Variants in VPS37A observed in about 807,000 individuals in gnomAD.
VPS37A encodes vacuolar protein sorting-associated protein 37A.
VPS37A carries 30 observed loss-of-function variants against 49.8 expected under a neutral mutation model. The observed-to-expected ratio is 0.60, with a 90% confidence interval of 0.45 to 0.82. The LOEUF (loss-of-function observed/expected upper bound fraction) is 0.82, where lower values mean the gene tolerates loss of function less well. Ranked by LOEUF, VPS37A falls within the 40% of genes least tolerant of loss-of-function variation. The pLI, the probability that VPS37A is intolerant of heterozygous loss-of-function variation, is 0.00. For synonymous variants in VPS37A, 195 were observed against 160.6 expected (o/e 1.21, Z -1.62); for missense variants, 593 against 464.4 (o/e 1.28, Z -2.55).
Position 17,295,224 on chromosome 8 carries a change from ATATTT to A in VPS37A, c.*239_*243del, listed in dbSNP as rs1816534163. On this transcript the variant is annotated 3_prime_UTR_variant, in exon 12 of 12. Transcript: ENST00000324849. Reference sequence around the variant, plus strand: ...TTATTTATTGTTGATAAATTGTATCATATTTAAGTTCCACTGCTGTTCCTCTTACC... The same window carrying A: ...TTATTTATTGTTGATAAATTGTATCAAAGTTCCACTGCTGTTCCTCTTACC... 6.6e-6 allele frequency: 1 copy of A among 152,320 alleles called. No homozygotes were observed. The highest frequency in any genetic ancestry group is 1.5e-5 in the Non-Finnish European group (1 of 68,046). The allele number at this position is 152,320 out of a possible 1,614,324, so 9.4% of individuals were successfully genotyped here. A position where few individuals can be genotyped will look rare whatever the true frequency, so the allele number is the denominator to read the frequency against.
At chr8:17,327,098 A>G in the VPS37A span, among the ~76,000 whole-genome samples, 1 of 152,152 alleles carries the variant, frequency 6.6e-6, no homozygotes, top group East Asian at 1.9e-4. Flanking sequence ...CATTATACAT[A>G]TTCTCCCATG....
intron 1 of VPS37A, among the ~76,000 whole-genome samples, chr8:17,265,297 C>T (rs185207175): frequency 9.8e-5 from 15 of 152,310 alleles, no homozygotes; most frequent in Admixed American, 7.2e-4. Flanking sequence ...CAATTTCTCC[C>T]TACAACTTTC....
the VPS37A span, among the ~76,000 whole-genome samples, chr8:17,311,042 T>C: frequency 6.6e-6 from 1 of 152,132 alleles, no homozygotes; most frequent in Non-Finnish European, 1.5e-5. Context: ...AGCATTCTCA[T>C]CCAGGGGTGT....
chr8:17,292,443 T>C (rs967800255), intron 11 of VPS37A, among the ~76,000 whole-genome samples: 1 of 152,350 alleles, frequency 6.6e-6, no homozygotes, highest in South Asian at 2.1e-4. Context: ...TGCCTTTTAA[T>C]TGGGGCATTT....
rs914149961 is a variant in VPS37A, at chr8:17,295,208, G to A, written c.*222G>A. 6.6e-6 allele frequency: 1 copy of A among 152,612 alleles called. No homozygotes were observed. Among genetic ancestry groups the A allele is most frequent in the African/African-American group, 2.4e-5 (1 of 41,460 alleles). 9.5% of individuals were successfully genotyped at this position (152,612 alleles called of 1,614,324 possible). ...ATTTGCACTGAAATGTTTATTTATT[G>A]TTGATAAATTGTATCATATTTAAGT... On this transcript the variant is annotated 3_prime_UTR_variant, in exon 12 of 12. Transcript: ENST00000324849.
chr8:17,296,905 C>CAGTT lies in VPS37A; in HGVS notation c.*1921_*1924dup, dbSNP rs1374675071. 1.3e-5 allele frequency: 2 copies of CAGTT among 152,154 alleles called. No individual in the cohort carries two copies. Among genetic ancestry groups the CAGTT allele is most frequent in the African/African-American group, 4.8e-5 (2 of 41,442 alleles). 9.4% of individuals were successfully genotyped at this position (152,154 alleles called of 1,614,324 possible). A position where few individuals can be genotyped will look rare whatever the true frequency, so the allele number is the denominator to read the frequency against. ...CAGTCATGAAACAGAGCAGTGTGAT[C>CAGTT]AGTTATCTGCATTTAACAAATAGAC... On this transcript the variant is annotated 3_prime_UTR_variant, in exon 12 of 12. Coordinates refer to ENST00000324849, the MANE Select transcript of VPS37A (RefSeq NM_152415.3).
intron 1 of VPS37A, among the ~76,000 whole-genome samples, chr8:17,250,211 C>T (rs1162629808): frequency 6.6e-6 from 1 of 152,124 alleles, no homozygotes; most frequent in Non-Finnish European, 1.5e-5. Context: ...TCAGAGAGAG[C>T]TTTACTTCTG....
Position 17,257,536 on chromosome 8 carries a change from G to A in VPS37A, c.126-8371G>A, listed in dbSNP as rs533566608. Among the ~76,000 whole-genome samples, 21 of 152,238 alleles carry A rather than the reference G, an allele frequency of 1.4e-4. 1 individual carries two copies. The East Asian group carries it at 4.1e-3, about 29-fold the overall frequency. On this transcript the variant is annotated intron_variant, in intron 1 of 11. Transcript: ENST00000324849. ...AGCATTAGGAGAAATACCTAATGTA[G>A]GTGACGGGTTGATGGGTGCAGCAAA...
At chr8:17,274,620 A>G in intron 4 of VPS37A, 113 bp from the exon 5 acceptor site, 2 of 675,944 alleles carry the variant, frequency 3.0e-6, no homozygotes, top group South Asian at 6.1e-5. Context: ...ACCTGCCATT[A>G]TAACATTTCA....
chr8:17,275,258 G>C (rs182111888), intron 5 of VPS37A, among the ~76,000 whole-genome samples: 10 of 152,200 alleles, frequency 6.6e-5, no homozygotes, highest in African/African-American at 2.2e-4. Flanking sequence ...TGTGATTCTG[G>C]TTTTTTTCAC....
downstream of VPS37A, chr8:17,305,721 ATAAAAGT>A (rs1196414211): frequency 6.5e-7 from 1 of 1,542,830 alleles, no homozygotes; most frequent in Non-Finnish European, 8.8e-7. Context: ...AAATCTTTAA[ATAAAAGT>A]TAAACACCAA....
intron 11 of VPS37A, among the ~76,000 whole-genome samples, chr8:17,288,984 T>C (rs182529150): frequency 1.3e-5 from 2 of 152,348 alleles, no homozygotes; most frequent in African/African-American, 4.8e-5. Flanking sequence ...TGATGAGCTT[T>C]TTTTCATGTT....
At chr8:17,287,810 C>T (rs923009550) in intron 11 of VPS37A, among the ~76,000 whole-genome samples, 1 of 152,062 alleles carries the variant, frequency 6.6e-6, no homozygotes, top group African/African-American at 2.4e-5. Context: ...GAGTAACTGA[C>T]CCAGTATGGG....
At chr8:17,286,606 T>C in intron 11 of VPS37A, 179 bp downstream of exon 11, 1 of 509,480 alleles carries the variant, frequency 2.0e-6, no homozygotes, top group Non-Finnish European at 3.4e-6. Flanking sequence ...ATATAACTAG[T>C]AGAAATCTTT....
chr8:17,276,401 G>C lies in VPS37A; in HGVS notation c.647G>C (p.Ser216Thr), dbSNP rs759240745. 6.2e-7 allele frequency: 1 copy of C among 1,611,340 alleles called. No individual in the cohort carries two copies. Among genetic ancestry groups the C allele is most frequent in the East Asian group, 2.2e-5 (1 of 44,724 alleles). The change falls in exon 6 of 12, where the codon AGC (serine) becomes ACC (threonine). Residue 216 changes from serine to threonine, a missense_variant. Coordinates refer to ENST00000324849, the MANE Select transcript of VPS37A (RefSeq NM_152415.3). ...TCATTTAAAACTTTTCTTTAGACAA[G>C]CCAAAATGGTTTTGGGTACAAGATG... is the stretch of plus-strand genomic sequence containing the variant. ...IPTVDASIPT[S>T]QNGFGYKMPD...
Position 17,254,083 on chromosome 8 carries a change from T to C in VPS37A, c.125+6714T>C, listed in dbSNP as rs150302365. 1.3e-3 allele frequency among the ~76,000 whole-genome samples: 192 copies of C among 152,346 alleles called. 1 individual carries two copies. In the Middle Eastern group the frequency reaches 0.041, roughly 32 times the overall value. On this transcript the variant is annotated intron_variant, in intron 1 of 11. Transcript: ENST00000324849. ...CTCTTGAGTTTTTTATGTTTCAATT[T>C]GTTGAATTTGGTGCACAGTTTGCGT... is the stretch of plus-strand genomic sequence containing the variant.
chr8:17,300,186 A>G, downstream of VPS37A: 1 of 1,613,370 alleles, frequency 6.2e-7, no homozygotes, highest in African/African-American at 1.3e-5. Context: ...TCTTCACCTT[A>G]GTGCAATTTA....
intron 6 of VPS37A, among the ~76,000 whole-genome samples, chr8:17,278,530 A>G (rs1040232382): frequency 1.3e-5 from 2 of 152,112 alleles, no homozygotes; most frequent in Non-Finnish European, 2.9e-5. Flanking sequence ...GAGAAACTCA[A>G]GTTGCCTTCT....
At chr8:17,266,695 G>C (rs1450222322) in intron 2 of VPS37A, among the ~76,000 whole-genome samples, 1 of 152,180 alleles carries the variant, frequency 6.6e-6, no homozygotes, top group Non-Finnish European at 1.5e-5. Flanking sequence ...CTGTACATAG[G>C]AGACCTTATT....
Sources: allele counts gnomAD v4.1 joint callset (sites outside exome capture counted in the v4.1 genomes callset), GRCh38; gene constraint gnomAD v4.1.1; transcripts MANE v1.5; gene names NCBI Gene and HGNC (gene_info 2026-07-23, HGNC 2026-07-21).